The following PHEX variants were observed in gnomAD, a reference collection of about 807,000 sequenced individuals.
PHEX encodes the protein phosphate-regulating neutral endopeptidase PHEX.
A neutral mutation model predicts 68.0 loss-of-function variants in PHEX; 16 were observed. The ratio of observed to expected loss-of-function variants is 0.24; its 90% CI spans 0.16 to 0.36. The LOEUF (loss-of-function observed/expected upper bound fraction) is 0.36, where lower values mean the gene tolerates loss of function less well. Among genes scored for constraint, PHEX ranks in the 10% least tolerant of loss-of-function variants. The pLI, the probability that PHEX is intolerant of heterozygous loss-of-function variation, is 1.00. For synonymous variants in PHEX, 208 were observed against 205.1 expected, an observed-to-expected ratio of 1.01 and a Z score of -0.12; for missense variants, 480 against 575.5, an observed-to-expected ratio of 0.83 and a Z score of 1.70.
At chrX:22,144,171 C>G (rs1370259888) in intron 12 of PHEX, among the ~76,000 whole-genome samples, 1 of 111,205 alleles carries the variant, frequency 9.0e-6, no homozygotes, top group Non-Finnish European at 1.9e-5. Flanking sequence ...TGTGCAGTGG[C>G]TAGCACAGAG....
chrX:22,247,208 A>G (rs1378211434), intron 21 of PHEX, among the ~76,000 whole-genome samples: 2 of 112,387 alleles, frequency 1.8e-5, no homozygotes, highest in African/African-American at 3.2e-5. Context: ...CATACCTAAC[A>G]CTAATTCAGA....
In PHEX at chrX:22,250,114, G is replaced by A. The variant is rs766992148; in HGVS notation, c.*2161G>A. On this transcript the variant is annotated 3_prime_UTR_variant, in exon 22 of 22. Coordinates refer to ENST00000379374, the MANE Select transcript of PHEX (RefSeq NM_000444.6). ...GGATGTCCATTACTCAAACAAAGCAGAACAAAACAACAAACCAAAAGCAGC... is the reference window on the plus strand; with the variant it reads ...GGATGTCCATTACTCAAACAAAGCAAAACAAAACAACAAACCAAAAGCAGC... 6.3e-5 allele frequency: 7 copies of A among 111,805 alleles called. No homozygotes were observed. Among genetic ancestry groups the A allele is most frequent in the Non-Finnish European group, 1.1e-4 (6 of 53,156 alleles). 9.2% of individuals were successfully genotyped at this position (111,805 alleles called of 1,213,427 possible). A position where few individuals can be genotyped will look rare whatever the true frequency, so the allele number is the denominator to read the frequency against.
intron 15 of PHEX, among the ~76,000 whole-genome samples, chrX:22,192,479 AAG>A (rs1404961031): frequency 4.5e-5 from 5 of 111,667 alleles, no homozygotes; most frequent in African/African-American, 1.6e-4. Flanking sequence ...CACTCAGAGA[AAG>A]AGCCAAATTA....
In PHEX at chrX:22,247,968, T is replaced by G; in HGVS notation, c.*15T>G. On this transcript the variant is annotated 3_prime_UTR_variant, in exon 22 of 22. Coordinates refer to ENST00000379374, the MANE Select transcript of PHEX (RefSeq NM_000444.6). ...GACTCTGGTAGCTGGGACGCTGGTT[T>G]ATGGCATCCTGAGACAGTTGCACAG... is the stretch of plus-strand genomic sequence containing the variant. 9.0e-7 allele frequency: 1 copy of G among 1,117,246 alleles called. No homozygotes were observed. Among genetic ancestry groups the G allele is most frequent in the Non-Finnish European group, 1.2e-6 (1 of 809,150 alleles). The allele number at this position is 1,117,246 out of a possible 1,213,427, so 92.1% of individuals were successfully genotyped here. A position where few individuals can be genotyped will look rare whatever the true frequency, so the allele number is the denominator to read the frequency against.
rs1555900710 is a variant in PHEX at position 22,249,455 on chromosome X, A to ATATATATATATAT, written c.*1502_*1503insTATATATATATAT. The ATATATATATATAT allele has an allele frequency of 4.8e-4, 19 of 39,750 alleles. No individual in the cohort carries two copies. Among genetic ancestry groups the ATATATATATATAT allele is most frequent in the African/African-American group, 2.5e-3 (15 of 6,011 alleles). The allele number at this position is 39,750 out of a possible 1,213,427, so 3.3% of individuals were successfully genotyped here. A position where few individuals can be genotyped will look rare whatever the true frequency, so the allele number is the denominator to read the frequency against. The stretch of plus-strand genomic sequence containing the variant: ...TTGTGATTCTTTTAAAAAAAAAAAA[A>ATATATATATATAT]ATATATATATATATATATATATATA... On this transcript the variant is annotated 3_prime_UTR_variant, in exon 22 of 22. Transcript: ENST00000379374.
intron 12 of PHEX, among the ~76,000 whole-genome samples, chrX:22,144,391 T>G: frequency 9.0e-6 from 1 of 111,573 alleles, no homozygotes; most frequent in Admixed American, 9.6e-5. Flanking sequence ...TAAAAATATT[T>G]TTATGGAAAT....
intron 12 of PHEX, among the ~76,000 whole-genome samples, chrX:22,135,041 A>T (rs886139061): frequency 8.9e-6 from 1 of 112,422 alleles, no homozygotes; most frequent in African/African-American, 3.2e-5. Context: ...ATGGTACTGG[A>T]GATGGATAAA....
intron 20 of PHEX, among the ~76,000 whole-genome samples, chrX:22,232,639 CTTGGTAAATATTCCTCCATCCCT>C (rs1935805458): frequency 3.8e-5 from 1 of 26,015 alleles, no homozygotes; most frequent in Admixed American, 5.5e-4. Context: ...TTTCCATTTG[CTTGGTAAATATTCCTCCATCCCT>C]TTATTTATTT....
At chrX:22,197,355 T>G (rs1270346986) in intron 15 of PHEX, among the ~76,000 whole-genome samples, 1 of 111,410 alleles carries the variant, frequency 9.0e-6, no homozygotes, top group Non-Finnish European at 1.9e-5. Flanking sequence ...ACTAATAGGA[T>G]GCTATGGAAA....
intron 3 of PHEX, among the ~76,000 whole-genome samples, chrX:22,054,403 G>A (rs1344614497): frequency 2.7e-5 from 3 of 112,044 alleles, no homozygotes; most frequent in Non-Finnish European, 3.8e-5. Context: ...CCAAAGTGCT[G>A]GGATTACAGG....
chrX:22,144,336 G>A (rs1932587865), intron 12 of PHEX, among the ~76,000 whole-genome samples: 1 of 111,174 alleles, frequency 9.0e-6, no homozygotes, highest in Non-Finnish European at 1.9e-5. Flanking sequence ...TTTCTTTGGG[G>A]CAGAGGTACA....
intron 12 of PHEX, among the ~76,000 whole-genome samples, chrX:22,154,827 C>G (rs990169364): frequency 1.8e-5 from 2 of 112,125 alleles, no homozygotes; most frequent in Admixed American, 1.9e-4. Context: ...TAGACGATGC[C>G]AGTGTCAAAG....
intron 18 of PHEX, among the ~76,000 whole-genome samples, chrX:22,222,382 C>T (rs112011214): frequency 0.025 from 2,736 of 111,545 alleles, 48 homozygotes; most frequent in Middle Eastern, 0.061. Flanking sequence ...AGACATGGGT[C>T]CAAATCTAGG....
chrX:22,216,492 C>CTTATTTATTTAT (rs56899587), intron 16 of PHEX, among the ~76,000 whole-genome samples: 28 of 88,052 alleles, frequency 3.2e-4, no homozygotes, highest in East Asian at 6.7e-4. Flanking sequence ...TTTTTTTATG[C>CTTATTTATTTAT]TTATTTATTT....
intron 13 of PHEX, among the ~76,000 whole-genome samples, chrX:22,168,997 A>G (rs1361431921): frequency 9.0e-6 from 1 of 111,664 alleles, no homozygotes; most frequent in Non-Finnish European, 1.9e-5. Context: ...AAGCACTGTT[A>G]TTTCCTCTCC....
At chrX:22,049,935 A>G (rs1367737566) in intron 3 of PHEX, among the ~76,000 whole-genome samples, 2 of 112,518 alleles carry the variant, frequency 1.8e-5, no homozygotes, top group Non-Finnish European at 3.8e-5. Context: ...TTTCCCATCA[A>G]CTGCTTTCTG....
chrX:22,218,375 A>T (rs1935158228), intron 16 of PHEX, among the ~76,000 whole-genome samples: 1 of 111,567 alleles, frequency 9.0e-6, no homozygotes, highest in African/African-American at 3.3e-5. Flanking sequence ...GGCTATGTGC[A>T]TTCAGGGGTA....
intron 20 of PHEX, among the ~76,000 whole-genome samples, chrX:22,241,060 A>T (rs1936173838): frequency 9.0e-6 from 1 of 111,456 alleles, no homozygotes; most frequent in Admixed American, 9.5e-5. Flanking sequence ...AAAGAATGAA[A>T]ATCATAACAA....
intron 13 of PHEX, chrX:22,171,599 T>TA (rs1465089534): frequency 5.5e-5 from 6 of 108,365 alleles, no homozygotes; most frequent in Non-Finnish European, 9.6e-5. Context: ...GACACAGGAG[T>TA]CGCAGCTGTG....
Sources: allele counts gnomAD v4.1 joint callset (sites outside exome capture counted in the v4.1 genomes callset), GRCh38; gene constraint gnomAD v4.1.1; transcripts MANE v1.5; gene names NCBI Gene and HGNC (gene_info 2026-07-23, HGNC 2026-07-21).